STX18: variants seen among roughly 807,000 people sequenced by gnomAD.
STX18 encodes syntaxin 18.
Under a neutral mutation model 50.1 loss-of-function variants are expected in STX18, and 40 were observed. The ratio of observed to expected loss-of-function variants is 0.80; its 90% CI spans 0.62 to 1.04. The LOEUF is 1.04. Ranked by LOEUF, STX18 falls within the 50% of genes least tolerant of loss-of-function variation. STX18 has a pLI of 0.00. For synonymous variants in STX18, 158 were observed against 151.8 expected (o/e 1.04, Z -0.30); for missense variants, 410 against 415.8 (o/e 0.99, Z 0.12).
intron 5 of STX18, chr4:4,453,774 A>G: frequency 1.6e-6 from 1 of 610,246 alleles, no homozygotes; most frequent in Non-Finnish European, 2.1e-6. Flanking sequence ...GGTACCGTGG[A>G]CCCCCAAAGC....
intron 2 of STX18, 79 bp from the exon 3 acceptor site, chr4:4,459,566 AG>A (rs1260705507): frequency 1.4e-5 from 14 of 1,015,332 alleles, no homozygotes; most frequent in Non-Finnish European, 2.2e-5. Flanking sequence ...AGAGAAGAAA[AG>A]GCCTCCCTGA....
chr4:4,474,212 G>A (rs960463506), intron 1 of STX18, among the ~76,000 whole-genome samples: 1 of 152,080 alleles, frequency 6.6e-6, no homozygotes, highest in African/African-American at 2.4e-5. Context: ...CGCTACATGT[G>A]CATCTATTTC....
chr4:4,536,834 C>G (rs1731360321), intron 1 of STX18, among the ~76,000 whole-genome samples: 1 of 152,174 alleles, frequency 6.6e-6, no homozygotes, highest in South Asian at 2.1e-4. Context: ...ATCTGCATGC[C>G]TAATCTGAAA....
At chr4:4,507,913 T>C (rs1227406035) in intron 1 of STX18, 2 of 506,270 alleles carry the variant, frequency 4.0e-6, no homozygotes, top group Non-Finnish European at 6.9e-6. Flanking sequence ...AAGGAAGCAT[T>C]CCGTATTTAC....
intron 5 of STX18, among the ~76,000 whole-genome samples, chr4:4,439,499 T>G (rs1282383796): frequency 7.7e-6 from 1 of 130,352 alleles, no homozygotes; most frequent in East Asian, 2.3e-4. Flanking sequence ...CACACTCATA[T>G]ATACCCCCAC....
At chr4:4,535,346 A>G (rs779479737) in intron 1 of STX18, among the ~76,000 whole-genome samples, 38 of 152,222 alleles carry the variant, frequency 2.5e-4, no homozygotes, top group Non-Finnish European at 4.6e-4. Context: ...CTTGGGCAAA[A>G]TTCAGAAGTG....
At chr4:4,439,348 CTACA>C (rs139498831) in intron 5 of STX18, among the ~76,000 whole-genome samples, 1,661 of 148,558 alleles carry the variant, frequency 0.011, 37 homozygotes, top group African/African-American at 0.039. Context: ...CATACATATA[CTACA>C]TATATATACC....
At chr4:4,497,348 G>A (rs138419509) in intron 1 of STX18, among the ~76,000 whole-genome samples, 1 of 152,178 alleles carries the variant, frequency 6.6e-6, no homozygotes, top group East Asian at 1.9e-4. Flanking sequence ...GAAAAACCAG[G>A]GGGAGAAATG....
intron 6 of STX18, among the ~76,000 whole-genome samples, chr4:4,435,158 G>C (rs1725712057): frequency 6.6e-6 from 1 of 152,144 alleles, no homozygotes; most frequent in South Asian, 2.1e-4. Context: ...ACATTATTCA[G>C]AATGTCTTCA....
rs150118942 is a variant in STX18, at chr4:4,434,821, C to T, written c.651G>A (p.Thr217=). Residue 217 remains threonine, a synonymous_variant, in exon 7 of 11, where the codon ACG becomes ACA. Transcript: ENST00000306200. ...CATCTTCGCCTTTGCCATCTCCCCACGTTCCCAATTCAGGTTGTGTTTCAG... is the reference window on the plus strand; with the variant it reads ...CATCTTCGCCTTTGCCATCTCCCCATGTTCCCAATTCAGGTTGTGTTTCAG... ...ILAETQPELG[T]WGDGKGEDEL... is the part of the protein sequence containing the mutation. The T allele has an allele frequency of 2.0e-4, 314 of 1,606,230 alleles. 1 individual carries two copies. Among genetic ancestry groups the T allele is most frequent in the African/African-American group, 1.6e-3 (120 of 74,546 alleles).
intron 1 of STX18, among the ~76,000 whole-genome samples, chr4:4,497,417 CAT>C (rs1729229702): frequency 6.6e-6 from 1 of 152,180 alleles, no homozygotes; most frequent in African/African-American, 2.4e-5. Context: ...TTTATTACAA[CAT>C]GTGATTAAAA....
intron 1 of STX18, among the ~76,000 whole-genome samples, chr4:4,484,442 T>A (rs971982104): frequency 2.0e-5 from 3 of 152,220 alleles, no homozygotes; most frequent in Non-Finnish European, 4.4e-5. Context: ...TGAGTGCTGC[T>A]GATAAACTAG....
chr4:4,457,867 G>A (rs368651993), intron 3 of STX18, among the ~76,000 whole-genome samples: 64 of 152,288 alleles, frequency 4.2e-4, no homozygotes, highest in African/African-American at 1.5e-3. Flanking sequence ...CTCCCTGCTT[G>A]AACCTGTGCT....
intron 1 of STX18, among the ~76,000 whole-genome samples, chr4:4,540,455 C>CAT (rs889708567): frequency 5.3e-4 from 80 of 152,312 alleles, no homozygotes; most frequent in African/African-American, 1.9e-3. Context: ...CAGCTTAGCG[C>CAT]ATACTATTCT....
At chr4:4,451,036 C>T (rs1726716605) in intron 5 of STX18, among the ~76,000 whole-genome samples, 1 of 152,180 alleles carries the variant, frequency 6.6e-6, no homozygotes, top group Admixed American at 6.5e-5. Context: ...CTACTAAAGT[C>T]CCCAGGGAAA....
intron 1 of STX18, among the ~76,000 whole-genome samples, chr4:4,494,310 A>T (rs1334044243): frequency 6.6e-6 from 1 of 152,204 alleles, no homozygotes; most frequent in Non-Finnish European, 1.5e-5. Flanking sequence ...AATAAAATGA[A>T]GAGACTGCAT....
At chr4:4,447,960 G>A (rs957533674) in intron 5 of STX18, among the ~76,000 whole-genome samples, 4 of 152,180 alleles carry the variant, frequency 2.6e-5, no homozygotes, top group African/African-American at 9.7e-5. Context: ...ATCTGTACAA[G>A]GGACTTAGCA....
intron 2 of STX18, among the ~76,000 whole-genome samples, chr4:4,462,121 G>A (rs1398126656): frequency 6.6e-6 from 1 of 152,142 alleles, no homozygotes; most frequent in Non-Finnish European, 1.5e-5. Context: ...GATATGACAC[G>A]TGGGTCTCCA....
At chr4:4,521,528 G>T (rs1005572355) in intron 1 of STX18, among the ~76,000 whole-genome samples, 5 of 152,100 alleles carry the variant, frequency 3.3e-5, no homozygotes, top group Admixed American at 1.3e-4. Context: ...GAAAGAAAAT[G>T]AAAGACTTAA....
Sources: gnomAD v4.1 joint callset for allele counts (sites outside exome capture counted in the v4.1 genomes callset) on GRCh38, gnomAD v4.1.1 for gene constraint, MANE v1.5 for transcripts, NCBI Gene and HGNC (gene_info 2026-07-23, HGNC 2026-07-21) for gene names.